TENM1: variants seen among roughly 807,000 people sequenced by gnomAD.
TENM1 encodes the protein teneurin-1.
TENM1 carries 35 observed loss-of-function variants against 174.8 expected under a neutral mutation model. That is an observed-to-expected ratio of 0.20 (90% CI 0.15 to 0.27). TENM1 has a LOEUF of 0.27. Among genes scored for constraint, TENM1 ranks in the 10% least tolerant of loss-of-function variants. The pLI, the probability that TENM1 is intolerant of heterozygous loss-of-function variation, is 1.00. For synonymous variants in TENM1, 781 were observed against 798.7 expected, an observed-to-expected ratio of 0.98 and a Z score of 0.37; for missense variants, 1,633 against 2,130.1, an observed-to-expected ratio of 0.77 and a Z score of 4.59.
chrX:124,565,463 G>A, exon 12 of TENM1: 3 of 1,209,323 alleles, frequency 2.5e-6, no homozygotes, highest in Non-Finnish European at 3.4e-6. Flanking sequence ...GAGAATGACA[G>A]GAGCGTTCCT....
chrX:124,538,047 G>A (rs1034902725), intron 15 of TENM1, among the ~76,000 whole-genome samples: 3 of 112,099 alleles, frequency 2.7e-5, no homozygotes, highest in African/African-American at 9.7e-5. Context: ...TTGCAAAGAA[G>A]TGAAAGTCTC....
the TENM1 span, among the ~76,000 whole-genome samples, chrX:124,970,988 G>T: frequency 2.8e-5 from 3 of 109,027 alleles, no homozygotes; most frequent in Non-Finnish European, 5.7e-5. Context: ...CCTTTGTAGG[G>T]ACATGGATGA....
chrX:124,698,182 T>C, intron 5 of TENM1, among the ~76,000 whole-genome samples: 1 of 110,876 alleles, frequency 9.0e-6, no homozygotes, highest in Non-Finnish European at 1.9e-5. Context: ...TTTTCCTTCC[T>C]ACTCCTACGA....
At chrX:125,063,069 C>T in the TENM1 span, among the ~76,000 whole-genome samples, 6 of 111,916 alleles carry the variant, frequency 5.4e-5, no homozygotes, top group Non-Finnish European at 9.4e-5. Flanking sequence ...ACATTTGTAT[C>T]CAAGTCATGA....
the TENM1 span, among the ~76,000 whole-genome samples, chrX:125,175,301 G>A: frequency 2.2e-4 from 25 of 111,413 alleles, no homozygotes; most frequent in Admixed American, 9.6e-4. Context: ...ACCCTTTCAG[G>A]AATGAGGCAG....
chrX:124,440,640 C>T (rs780439203), intron 23 of TENM1, among the ~76,000 whole-genome samples: 1 of 111,157 alleles, frequency 9.0e-6, no homozygotes, highest in East Asian at 2.8e-4. Context: ...TGATACAGAA[C>T]GAAATGTTAT....
rs192910468 is a variant in TENM1 at position 124,930,490 on chromosome X, T to A, written c.217+33047A>T. 7.2e-5 allele frequency among the ~76,000 whole-genome samples: 8 copies of A among 111,829 alleles called. No individual in the cohort carries two copies. The East Asian group carries it at 2.0e-3, about 28-fold the overall frequency. On this transcript the variant is annotated intron_variant, in intron 1 of 31. Transcript: ENST00000422452. ...ACACATTCATTTTATGCCCCCTTTG[T>A]GTACCGAATTGATACTCATGTTGCA...
intron 3 of TENM1, among the ~76,000 whole-genome samples, chrX:124,796,120 C>G (rs928798688): frequency 1.8e-5 from 2 of 110,987 alleles, no homozygotes; most frequent in African/African-American, 6.5e-5. Flanking sequence ...TTTCTTTTTA[C>G]AAGAAATAAT....
chrX:125,160,211 A>G, the TENM1 span, among the ~76,000 whole-genome samples: 1 of 105,320 alleles, frequency 9.5e-6, no homozygotes, highest in Non-Finnish European at 1.9e-5. Flanking sequence ...CAATGAAAAA[A>G]AAAAAAAAGA....
At chrX:125,012,059 T>C in the TENM1 span, among the ~76,000 whole-genome samples, 3,161 of 111,250 alleles carry the variant, frequency 0.028, 129 homozygotes, top group African/African-American at 0.099. Context: ...CTGGAAGCCA[T>C]CATCCTCAGC....
At chrX:124,551,555 T>C (rs199634339) in intron 14 of TENM1, among the ~76,000 whole-genome samples, 422 of 94,171 alleles carry the variant, frequency 4.5e-3, no homozygotes, top group South Asian at 0.018. Context: ...CACACACACA[T>C]ACACACACAC....
chrX:125,046,458 G>C, the TENM1 span, among the ~76,000 whole-genome samples: 1 of 112,057 alleles, frequency 8.9e-6, no homozygotes, highest in East Asian at 2.8e-4. Context: ...GTTGTCTTTT[G>C]CTGCTTACCG....
At chrX:125,092,043 C>T in the TENM1 span, among the ~76,000 whole-genome samples, 1 of 99,018 alleles carries the variant, frequency 1.0e-5, no homozygotes, top group Non-Finnish European at 2.0e-5. Flanking sequence ...GATAAATTCA[C>T]ACCACTATCT....
chrX:124,732,380 C>G (rs185878788), intron 4 of TENM1, among the ~76,000 whole-genome samples: 5 of 111,829 alleles, frequency 4.5e-5, no homozygotes, highest in Non-Finnish European at 9.4e-5. Flanking sequence ...ATAAAATCCT[C>G]AGTGAATCAG....
At chrX:125,201,805 C>G in the TENM1 span, among the ~76,000 whole-genome samples, 1 of 111,816 alleles carries the variant, frequency 8.9e-6, no homozygotes, top group African/African-American at 3.3e-5. Flanking sequence ...CTCTTAAAAA[C>G]CCCAACTTTG....
intron 4 of TENM1, among the ~76,000 whole-genome samples, chrX:124,706,052 G>T (rs1381455011): frequency 1.8e-5 from 2 of 110,896 alleles, no homozygotes; most frequent in Non-Finnish European, 3.8e-5. Flanking sequence ...ACTACAGTTC[G>T]CACCACCACG....
intron 23 of TENM1, among the ~76,000 whole-genome samples, chrX:124,438,670 T>C (rs973239412): frequency 1.8e-5 from 2 of 111,926 alleles, no homozygotes; most frequent in Admixed American, 9.5e-5. Flanking sequence ...TTAAGGCCCC[T>C]GACAACTTTG....
chrX:125,196,993 C>T, the TENM1 span, among the ~76,000 whole-genome samples: 1 of 111,253 alleles, frequency 9.0e-6, no homozygotes, highest in Non-Finnish European at 1.9e-5. Flanking sequence ...TAATCTGGCA[C>T]CTTCTCTTTG....
At chrX:124,789,962 C>T (rs994378369) in intron 3 of TENM1, among the ~76,000 whole-genome samples, 1 of 111,802 alleles carries the variant, frequency 8.9e-6, no homozygotes, top group African/African-American at 3.3e-5. Flanking sequence ...CAAGACTGGG[C>T]AATTTACAAA....
Sources: allele counts gnomAD v4.1 joint callset (sites outside exome capture counted in the v4.1 genomes callset), GRCh38; gene constraint gnomAD v4.1.1; transcripts MANE v1.5; gene names NCBI Gene and HGNC (gene_info 2026-07-23, HGNC 2026-07-21).